Variants in AKAP6 observed in about 807,000 individuals in gnomAD.
AKAP6 encodes A-kinase anchor protein 6.
AKAP6 carries 58 observed loss-of-function variants against 188.5 expected under a neutral mutation model. That is an observed-to-expected ratio of 0.31 (90% CI 0.25 to 0.38). AKAP6 has a LOEUF of 0.38. AKAP6 is among the 10% of genes least tolerant of loss of function. AKAP6 has a pLI of 1.00. For missense variants in AKAP6, 2,710 were observed against 2,740.0 expected, an observed-to-expected ratio of 0.99 and a Z score of 0.24; for synonymous variants, 989 against 998.6, an observed-to-expected ratio of 0.99 and a Z score of 0.18.
chr14:32,688,355 C>G (rs1313354760), intron 8 of AKAP6, among the ~76,000 whole-genome samples: 1 of 151,930 alleles, frequency 6.6e-6, no homozygotes, highest in Non-Finnish European at 1.5e-5. Flanking sequence ...ATTCATTTCC[C>G]TATCTCCTTC....
At position 32,378,076 on chromosome 14, in the gene AKAP6, A is replaced by G. The variant is rs190023736; in HGVS notation, c.-35+48668A>G. On this transcript the variant is annotated intron_variant, in intron 1 of 13. Coordinates refer to ENST00000280979, the MANE Select transcript of AKAP6 (RefSeq NM_004274.5). Reference sequence around the variant, plus strand: ...ATCTGGCTGTGTATACTAAAAGAACATTATGCTCTAAAGAGTAACTCTCAA... The same window carrying G: ...ATCTGGCTGTGTATACTAAAAGAACGTTATGCTCTAAAGAGTAACTCTCAA... 9.7e-4 allele frequency among the ~76,000 whole-genome samples: 147 copies of G among 152,302 alleles called. 4 individuals are homozygous for G. In the East Asian group the frequency reaches 0.023, roughly 24 times the overall value.
At chr14:32,353,206 T>C (rs1490394737) in intron 1 of AKAP6, among the ~76,000 whole-genome samples, 1 of 152,130 alleles carries the variant, frequency 6.6e-6, no homozygotes, top group Non-Finnish European at 1.5e-5. Context: ...ACCTACAAAT[T>C]GGTACACCCT....
intron 2 of AKAP6, among the ~76,000 whole-genome samples, chr14:32,502,617 CTCT>C (rs138943512): frequency 0.02 from 3,080 of 152,192 alleles, 108 homozygotes; most frequent in African/African-American, 0.07. Flanking sequence ...ACTCATTCTT[CTCT>C]TCTTGCATAT....
At position 32,837,278 on chromosome 14, in the gene AKAP6, T is replaced by A. The variant is rs1272456155; in HGVS notation, c.*7473T>A. 1 of 152,234 alleles carries A rather than the reference T, an allele frequency of 6.6e-6. No individual in the cohort carries two copies. The highest frequency in any genetic ancestry group is 1.5e-5 in the Non-Finnish European group (1 of 68,040). The allele number at this position is 152,234 out of a possible 1,614,324, so 9.4% of individuals were successfully genotyped here. ...GTAATAAGAAACAATCCTGAAATTA[T>A]TAAAACATTTCTTTGTCCTTACTTA... On this transcript the variant is annotated 3_prime_UTR_variant, in exon 14 of 14. Coordinates refer to ENST00000280979, the MANE Select transcript of AKAP6 (RefSeq NM_004274.5).
intron 13 of AKAP6, among the ~76,000 whole-genome samples, chr14:32,829,615 T>TC (rs757258265): frequency 0.025 from 2,536 of 101,888 alleles, 46 homozygotes; most frequent in Middle Eastern, 0.11. Context: ...ACCACGTCTT[T>TC]TTAAAAAAAA....
At chr14:32,735,028 G>C (rs1225665648) in intron 10 of AKAP6, among the ~76,000 whole-genome samples, 1 of 152,128 alleles carries the variant, frequency 6.6e-6, no homozygotes, top group Non-Finnish European at 1.5e-5. Context: ...TTCGGTATTA[G>C]AAAGTCCAGC....
At chr14:32,772,971 C>T (rs2032944749) in intron 11 of AKAP6, among the ~76,000 whole-genome samples, 1 of 152,204 alleles carries the variant, frequency 6.6e-6, no homozygotes, top group African/African-American at 2.4e-5. Context: ...TTTAGGGTCA[C>T]TGCAGCAATA....
intron 12 of AKAP6, among the ~76,000 whole-genome samples, chr14:32,774,681 C>T (rs2033000334): frequency 6.6e-6 from 1 of 152,110 alleles, no homozygotes; most frequent in Admixed American, 6.6e-5. Context: ...CTCCAAATGA[C>T]CTTGAGGTCA....
At chr14:32,772,086 GAC>G (rs1228722256) in intron 11 of AKAP6, among the ~76,000 whole-genome samples, 7 of 152,040 alleles carry the variant, frequency 4.6e-5, no homozygotes, top group Non-Finnish European at 1.0e-4. Flanking sequence ...GAAAAGAAGA[GAC>G]AGAGAGGGAG....
rs183502583 is a variant in AKAP6, at chr14:32,485,832, G to A, written c.325-49722G>A. On this transcript the variant is annotated intron_variant, in intron 2 of 13. Coordinates refer to ENST00000280979, the MANE Select transcript of AKAP6 (RefSeq NM_004274.5). ...TCTTTAGTTTGATTAGATCCCATTTGTCAATTTTGGCTTTTGTTGCAATAG... is the reference window on the plus strand; with the variant it reads ...TCTTTAGTTTGATTAGATCCCATTTATCAATTTTGGCTTTTGTTGCAATAG... 3.3e-3 allele frequency among the ~76,000 whole-genome samples: 501 copies of A among 152,236 alleles called. 4 individuals carry two copies. Among genetic ancestry groups the A allele is most frequent in the African/African-American group, 0.011 (474 of 41,532 alleles).
intron 9 of AKAP6, among the ~76,000 whole-genome samples, chr14:32,705,493 T>C (rs1456043159): frequency 6.6e-6 from 1 of 152,130 alleles, no homozygotes; most frequent in Non-Finnish European, 1.5e-5. Flanking sequence ...GGGTGTAGGA[T>C]AGAGGGAGAA....
chr14:32,812,914 T>C (rs911370192), intron 12 of AKAP6, among the ~76,000 whole-genome samples: 1 of 152,152 alleles, frequency 6.6e-6, no homozygotes, highest in Non-Finnish European at 1.5e-5. Flanking sequence ...AGACAGCAAA[T>C]GTGTGGGGTT....
intron 12 of AKAP6, among the ~76,000 whole-genome samples, chr14:32,794,676 G>A (rs566722439): frequency 9.9e-5 from 15 of 152,116 alleles, no homozygotes; most frequent in Non-Finnish European, 1.8e-4. Flanking sequence ...AGCACTAAAT[G>A]CCCATATCAA....
chr14:32,338,940 C>A (rs541731415), intron 1 of AKAP6, among the ~76,000 whole-genome samples: 1 of 152,068 alleles, frequency 6.6e-6, no homozygotes, highest in Non-Finnish European at 1.5e-5. Flanking sequence ...CCAAGAAAAT[C>A]ATTCTTAGAG....
chr14:32,599,331 A>C, intron 5 of AKAP6, 79 bp from the exon 6 acceptor site: 3 of 1,225,710 alleles, frequency 2.4e-6, no homozygotes, highest in Non-Finnish European at 3.5e-6. Flanking sequence ...TTCTTGATAA[A>C]AAGTAGCAAG....
chr14:32,591,962 G>A (rs1404190927), intron 5 of AKAP6, among the ~76,000 whole-genome samples: 1 of 152,170 alleles, frequency 6.6e-6, no homozygotes, highest in Non-Finnish European at 1.5e-5. Context: ...AGTTTACATG[G>A]CAATTACGCT....
chr14:32,382,668 T>A (rs1015623356), intron 1 of AKAP6, among the ~76,000 whole-genome samples: 3 of 152,172 alleles, frequency 2.0e-5, no homozygotes, highest in Admixed American at 6.5e-5. Context: ...CAAGTGCCAG[T>A]TACAGTGGCA....
intron 12 of AKAP6, among the ~76,000 whole-genome samples, chr14:32,807,069 A>AATAT (rs10570126): frequency 3.3e-5 from 5 of 149,502 alleles, no homozygotes; most frequent in East Asian, 2.0e-4. Flanking sequence ...AAGGGGGGGA[A>AATAT]ATATATATAT....
intron 1 of AKAP6, among the ~76,000 whole-genome samples, chr14:32,342,918 C>T (rs1015198407): frequency 6.6e-6 from 1 of 152,190 alleles, no homozygotes; most frequent in Non-Finnish European, 1.5e-5. Flanking sequence ...TATCATTTGT[C>T]TTTGGAATTA....
Sources: gnomAD v4.1 joint callset for allele counts (sites outside exome capture counted in the v4.1 genomes callset) on GRCh38, gnomAD v4.1.1 for gene constraint, MANE v1.5 for transcripts, NCBI Gene and HGNC (gene_info 2026-07-23, HGNC 2026-07-21) for gene names.